The following ROBO1 variants were observed in gnomAD, a reference collection of about 807,000 sequenced individuals.
The protein encoded by ROBO1 is roundabout homolog 1.
Under a neutral mutation model 195.9 loss-of-function variants are expected in ROBO1, and 149 were observed. That is an observed-to-expected ratio of 0.76 (90% CI 0.67 to 0.87). The LOEUF (loss-of-function observed/expected upper bound fraction) is 0.87. ROBO1 is among the 40% of genes least tolerant of loss of function. The pLI is 0.00. For missense variants in ROBO1, 1,933 were observed against 2,068.3 expected, an observed-to-expected ratio of 0.93 and a Z score of 1.27; for synonymous variants, 816 against 733.2, an observed-to-expected ratio of 1.11 and a Z score of -1.82.
chr3:78,994,062 A>T (rs1346800833), intron 3 of ROBO1, among the ~76,000 whole-genome samples: 2 of 152,138 alleles, frequency 1.3e-5, no homozygotes, highest in Non-Finnish European at 2.9e-5. Flanking sequence ...GCCTCAACAA[A>T]TCTAGTCATT....
chr3:78,624,160 G>A (rs946508553), intron 26 of ROBO1, among the ~76,000 whole-genome samples: 8 of 152,064 alleles, frequency 5.3e-5, no homozygotes, highest in Admixed American at 2.6e-4. Context: ...TAATATTGGC[G>A]TATCATAAAT....
At chr3:79,606,487 A>C (rs968988350) in intron 1 of ROBO1, among the ~76,000 whole-genome samples, 1 of 151,964 alleles carries the variant, frequency 6.6e-6, no homozygotes, top group Non-Finnish European at 1.5e-5. Context: ...TTCCCTGCCC[A>C]GGCTGGACTC....
chr3:79,251,299 T>C (rs2082724448), intron 2 of ROBO1, among the ~76,000 whole-genome samples: 1 of 152,172 alleles, frequency 6.6e-6, no homozygotes, highest in African/African-American at 2.4e-5. Flanking sequence ...TATTTCTTCA[T>C]TGTCTTATTT....
intron 4 of ROBO1, among the ~76,000 whole-genome samples, chr3:78,822,450 CA>C (rs1314924093): frequency 1.3e-5 from 2 of 152,078 alleles, no homozygotes; most frequent in African/African-American, 4.8e-5. Context: ...CTGAGAAAGA[CA>C]AATATTGAAG....
intron 2 of ROBO1, among the ~76,000 whole-genome samples, chr3:79,560,611 A>G (rs986181958): frequency 7.4e-5 from 11 of 149,144 alleles, no homozygotes; most frequent in African/African-American, 2.2e-4. Context: ...CCAGTTAGGT[A>G]GTGACAGTCA....
At chr3:79,122,772 G>A (rs1482723608) in intron 3 of ROBO1, among the ~76,000 whole-genome samples, 1 of 151,840 alleles carries the variant, frequency 6.6e-6, no homozygotes, top group African/African-American at 2.4e-5. Context: ...ATGTAAATGG[G>A]AATTTTAGTG....
chr3:79,049,661 A>G (rs911258938), intron 3 of ROBO1, among the ~76,000 whole-genome samples: 3 of 152,172 alleles, frequency 2.0e-5, no homozygotes, highest in Admixed American at 6.5e-5. Context: ...GGGTCAGGTT[A>G]CCCACAAAGG....
intron 1 of ROBO1, among the ~76,000 whole-genome samples, chr3:79,666,258 G>T (rs1185485601): frequency 6.6e-6 from 1 of 151,886 alleles, no homozygotes; most frequent in Non-Finnish European, 1.5e-5. Flanking sequence ...GGGTTTCAAT[G>T]ATCAGCCTAG....
At chr3:79,586,611 A>T (rs1169902556) in intron 2 of ROBO1, among the ~76,000 whole-genome samples, 2 of 151,938 alleles carry the variant, frequency 1.3e-5, no homozygotes, top group African/African-American at 4.8e-5. Flanking sequence ...ATGTATTTTC[A>T]TTTAAAATAT....
chr3:78,745,685 C>T (rs373910107), intron 5 of ROBO1, among the ~76,000 whole-genome samples: 1 of 152,192 alleles, frequency 6.6e-6, no homozygotes, highest in African/African-American at 2.4e-5. Context: ...CATCCTCACA[C>T]CAATCCCAAG....
At chr3:79,690,902 C>T (rs1484827245) in intron 1 of ROBO1, among the ~76,000 whole-genome samples, 1 of 151,828 alleles carries the variant, frequency 6.6e-6, no homozygotes, top group Non-Finnish European at 1.5e-5. Context: ...ACTAAGGTAG[C>T]ATTGGGTAGT....
intron 1 of ROBO1, among the ~76,000 whole-genome samples, chr3:79,610,828 A>C (rs1944634809): frequency 6.6e-6 from 1 of 152,246 alleles, no homozygotes; most frequent in South Asian, 2.1e-4. Flanking sequence ...TTATGCTTCA[A>C]GAACAACGGA....
At chr3:78,719,338 T>C (rs1019180560) in intron 5 of ROBO1, among the ~76,000 whole-genome samples, 6 of 152,164 alleles carry the variant, frequency 3.9e-5, no homozygotes, top group African/African-American at 1.4e-4. Flanking sequence ...GTTAAATTGT[T>C]TTATTTTTTC....
intron 20 of ROBO1, among the ~76,000 whole-genome samples, chr3:78,647,140 G>A (rs1706348391): frequency 6.6e-6 from 1 of 152,036 alleles, no homozygotes; most frequent in African/African-American, 2.4e-5. Flanking sequence ...AAATTGGATA[G>A]AACGGAATAT....
At chr3:79,445,660 C>T (rs952342594) in intron 2 of ROBO1, among the ~76,000 whole-genome samples, 3 of 144,340 alleles carry the variant, frequency 2.1e-5, no homozygotes, top group African/African-American at 7.7e-5. Flanking sequence ...TCAGGCCTGG[C>T]AATTTTTTTT....
intron 5 of ROBO1, among the ~76,000 whole-genome samples, chr3:78,739,339 TAACTC>T (rs2082468252): frequency 6.6e-6 from 1 of 152,168 alleles, no homozygotes; most frequent in African/African-American, 2.4e-5. Flanking sequence ...ATATTTTACT[TAACTC>T]AATTTTTCAT....
At chr3:79,486,437 C>T (rs1168506786) in intron 2 of ROBO1, among the ~76,000 whole-genome samples, 1 of 152,034 alleles carries the variant, frequency 6.6e-6, no homozygotes, top group Non-Finnish European at 1.5e-5. Context: ...GAATAAGTAC[C>T]TCTATTTTAG....
chr3:78,821,169 T>A (rs2030880537), intron 4 of ROBO1, among the ~76,000 whole-genome samples: 1 of 148,424 alleles, frequency 6.7e-6, no homozygotes, highest in Admixed American at 6.7e-5. Context: ...TGATTTTTTT[T>A]TTTTTTTTTT....
intron 3 of ROBO1, among the ~76,000 whole-genome samples, chr3:79,121,709 G>A (rs967686172): frequency 2.6e-5 from 4 of 151,844 alleles, no homozygotes; most frequent in Non-Finnish European, 5.9e-5. Context: ...ACAGACCTGT[G>A]GAGATGGAAG....
Sources: gnomAD v4.1 joint callset for allele counts (sites outside exome capture counted in the v4.1 genomes callset) on GRCh38, gnomAD v4.1.1 for gene constraint, MANE v1.5 for transcripts, NCBI Gene and HGNC (gene_info 2026-07-23, HGNC 2026-07-21) for gene names.